DNAI3: variants seen among roughly 807,000 people sequenced by gnomAD.
DNAI3 encodes WD repeat domain 63.
In DNAI3, 83 loss-of-function variants were observed where a neutral mutation model predicts 115.5. The ratio of observed to expected loss-of-function variants is 0.72; its 90% CI spans 0.60 to 0.86. DNAI3 has a LOEUF of 0.86. DNAI3 is among the 40% of genes least tolerant of loss of function. DNAI3 has a pLI of 0.00. For missense variants in DNAI3, 1,004 were observed against 1,075.8 expected (o/e 0.93, Z 0.93); for synonymous variants, 320 against 347.0 (o/e 0.92, Z 0.86).
intron 16 of DNAI3, among the ~76,000 whole-genome samples, chr1:85,113,139 A>T (rs1655706989): frequency 6.6e-6 from 1 of 152,180 alleles, no homozygotes; most frequent in Admixed American, 6.5e-5. Context: ...TCTCAGGACT[A>T]GTGATATGTG....
intron 6 of DNAI3, 134 bp downstream of exon 6, chr1:85,084,829 A>G (rs949861230): frequency 2.2e-6 from 2 of 895,546 alleles, no homozygotes; most frequent in Non-Finnish European, 3.0e-6. Context: ...GTTTGCTTTT[A>G]TAGAAGAATG....
chr1:85,120,252 G>T (rs1655959060), intron 17 of DNAI3, among the ~76,000 whole-genome samples: 2 of 152,326 alleles, frequency 1.3e-5, no homozygotes, highest in East Asian at 3.9e-4. Flanking sequence ...GATGTTCAGG[G>T]AGGCATCACT....
chr1:85,071,880 T>A lies in DNAI3; in HGVS notation c.-14-48T>A. 3.3e-6 allele frequency: 5 copies of A among 1,523,858 alleles called. No individual in the cohort carries two copies. In the South Asian group the frequency reaches 6.0e-5, roughly 18 times the overall value. The allele number at this position is 1,523,858 out of a possible 1,614,324, so 94.4% of individuals were successfully genotyped here. On this transcript the variant is annotated intron_variant, in intron 1 of 22. Transcript: ENST00000294664. ...ATGTTTAGTATTTGAAATTGTAAGT[T>A]GTTTGCAAATTGTAACAATTTACTA... is the stretch of plus-strand genomic sequence containing the variant.
At chr1:85,116,457 C>A (rs1376268818) in intron 16 of DNAI3, among the ~76,000 whole-genome samples, 2 of 152,266 alleles carry the variant, frequency 1.3e-5, no homozygotes, top group East Asian at 3.9e-4. Context: ...AATCTTATAG[C>A]CCCTTGTTTA....
intron 13 of DNAI3, among the ~76,000 whole-genome samples, chr1:85,101,421 A>C (rs952953142): frequency 6.6e-6 from 1 of 152,184 alleles, no homozygotes; most frequent in African/African-American, 2.4e-5. Context: ...AGATGATTTT[A>C]AATTTAAATG....
At chr1:85,097,790 C>A in intron 12 of DNAI3, 135 bp downstream of exon 12, 4 of 774,554 alleles carry the variant, frequency 5.2e-6, no homozygotes, top group Non-Finnish European at 4.0e-6. Flanking sequence ...ATTTCCCAAG[C>A]CTTCACCTGT....
intron 5 of DNAI3, among the ~76,000 whole-genome samples, chr1:85,083,983 G>A (rs996781083): frequency 4.0e-5 from 6 of 151,434 alleles, no homozygotes; most frequent in Non-Finnish European, 7.4e-5. Context: ...TAAAATTCTA[G>A]GATCTATCAA....
chr1:85,104,120 CTT>C (rs1203756791), intron 13 of DNAI3, among the ~76,000 whole-genome samples: 23 of 133,520 alleles, frequency 1.7e-4, no homozygotes, highest in South Asian at 2.3e-4. Flanking sequence ...GTGGTATGTC[CTT>C]TTTTTTTTTT....
intron 13 of DNAI3, among the ~76,000 whole-genome samples, chr1:85,101,469 A>C (rs1415878480): frequency 2.0e-5 from 3 of 152,184 alleles, no homozygotes; most frequent in African/African-American, 7.2e-5. Flanking sequence ...ACACGCCTGT[A>C]ATCCCAGCAC....
At chr1:85,114,233 G>A (rs1050536970) in intron 16 of DNAI3, among the ~76,000 whole-genome samples, 7 of 152,048 alleles carry the variant, frequency 4.6e-5, no homozygotes, top group South Asian at 2.1e-4. Context: ...GGCTGGTCTC[G>A]AACTCTTGAC....
chr1:85,070,492 C>T (rs916902677), intron 1 of DNAI3, among the ~76,000 whole-genome samples: 2 of 33,714 alleles, frequency 5.9e-5, no homozygotes, highest in Admixed American at 4.3e-4. Flanking sequence ...CTTGGGGCCT[C>T]GTTTTTCTCA....
intron 11 of DNAI3, among the ~76,000 whole-genome samples, chr1:85,096,397 T>C (rs1655124989): frequency 6.6e-6 from 1 of 151,368 alleles, no homozygotes; most frequent in African/African-American, 2.4e-5. Flanking sequence ...ATCCAGAACT[T>C]AAACAGAAAT....
intron 3 of DNAI3, among the ~76,000 whole-genome samples, chr1:85,074,457 A>C (rs1195591233): frequency 6.6e-6 from 1 of 152,030 alleles, no homozygotes; most frequent in East Asian, 1.9e-4. Context: ...AGAATGTTCC[A>C]AATTTATTCC....
intron 11 of DNAI3, 39 bp downstream of exon 11, chr1:85,096,059 G>T: frequency 6.3e-7 from 1 of 1,579,718 alleles, no homozygotes; most frequent in South Asian, 1.1e-5. Context: ...TATTAATGTA[G>T]ACAACCTTTG....
intron 16 of DNAI3, among the ~76,000 whole-genome samples, chr1:85,114,037 G>T (rs1231571016): frequency 1.1e-5 from 1 of 92,162 alleles, no homozygotes; most frequent in Non-Finnish European, 2.1e-5. Context: ...TTTTTGAGAA[G>T]GAGTCTTGCT....
At chr1:85,109,049 T>C (rs1461595916) in intron 15 of DNAI3, among the ~76,000 whole-genome samples, 1 of 152,200 alleles carries the variant, frequency 6.6e-6, no homozygotes, top group Non-Finnish European at 1.5e-5. Flanking sequence ...TGTACGTTTT[T>C]TGGGATATTA....
chr1:85,121,505 C>T (rs1254063058), intron 17 of DNAI3, among the ~76,000 whole-genome samples: 1 of 152,206 alleles, frequency 6.6e-6, no homozygotes, highest in Non-Finnish European at 1.5e-5. Context: ...GGAGTATCTG[C>T]AGAACTATCA....
intron 1 of DNAI3, among the ~76,000 whole-genome samples, chr1:85,070,871 T>A (rs2100554305): frequency 6.6e-6 from 1 of 152,182 alleles, no homozygotes; most frequent in East Asian, 1.9e-4. Context: ...TTTTATCATT[T>A]AAAAAAAATT....
chr1:85,093,790 T>C (rs1481625649), intron 9 of DNAI3, 142 bp downstream of exon 9: 1 of 935,620 alleles, frequency 1.1e-6, no homozygotes, highest in Admixed American at 2.0e-5. Flanking sequence ...GCCATGTGCT[T>C]TCCACGCCCT....
Sources: allele counts gnomAD v4.1 joint callset (sites outside exome capture counted in the v4.1 genomes callset), GRCh38; gene constraint gnomAD v4.1.1; transcripts MANE v1.5; gene names NCBI Gene and HGNC (gene_info 2026-07-23, HGNC 2026-07-21).